Variants in ELFN1 observed in about 807,000 individuals in gnomAD.
ELFN1 encodes the protein extracellular leucine rich repeat and fibronectin type III domain containing 1.
In ELFN1, 6 loss-of-function variants were observed where a neutral mutation model predicts 7.6. That is an observed-to-expected ratio of 0.79 (90% CI 0.43 to 1.56). ELFN1 has a LOEUF of 1.56. Among genes scored for constraint, ELFN1 ranks in the 40% most tolerant of loss-of-function variants. The pLI, the probability that ELFN1 is intolerant of heterozygous loss-of-function variation, is 0.01. For missense variants in ELFN1, 1,169 were observed against 1,232.2 expected (o/e 0.95, Z 0.77); for synonymous variants, 657 against 588.1 (o/e 1.12, Z -1.70).
At chr7:1,719,268 G>GCCACCAACAGGGCCCCGC (rs1554252715) in intron 3 of ELFN1, among the ~76,000 whole-genome samples, 3,024 of 50,290 alleles carry the variant, frequency 0.06, 525 homozygotes, top group African/African-American at 0.19. Context: ...CAGGACCCAA[G>GCCACCAACAGGGCCCCGC]CCACCAACAG....
intron 1 of ELFN1, 26 bp from the exon 2 acceptor site, chr7:1,688,032 T>TTTTA (rs1491284296): frequency 1.2e-5 from 1 of 82,322 alleles, no homozygotes; most frequent in African/African-American, 8.0e-5. Flanking sequence ...GCCTGGCTAA[T>TTTTA]TTTTTTTTTT....
chr7:1,726,815 C>A (rs975371822), intron 3 of ELFN1, among the ~76,000 whole-genome samples: 1 of 152,214 alleles, frequency 6.6e-6, no homozygotes, highest in Non-Finnish European at 1.5e-5. Flanking sequence ...GCTGGGATGC[C>A]TCCTCCACCA....
chr7:1,727,642 T>G (rs1780233525), intron 3 of ELFN1, among the ~76,000 whole-genome samples: 1 of 152,124 alleles, frequency 6.6e-6, no homozygotes, highest in Admixed American at 6.5e-5. Context: ...TAGTCTTTTT[T>G]TGGTCACCCA....
At chr7:1,721,616 G>A (rs529906341) in intron 3 of ELFN1, among the ~76,000 whole-genome samples, 48 of 152,304 alleles carry the variant, frequency 3.2e-4, no homozygotes, top group African/African-American at 1.1e-3. Context: ...GCAGGGCATC[G>A]AGTTACGCAC....
intron 1 of ELFN1, among the ~76,000 whole-genome samples, chr7:1,677,385 G>A (rs534897201): frequency 5.9e-5 from 9 of 152,322 alleles, no homozygotes; most frequent in South Asian, 2.1e-4. Flanking sequence ...TCCAGGAGAC[G>A]GGATTCTCAG....
chr7:1,708,695 A>G (rs931383647), intron 2 of ELFN1, among the ~76,000 whole-genome samples: 4 of 151,918 alleles, frequency 2.6e-5, no homozygotes, highest in African/African-American at 9.7e-5. Context: ...CCACGGACCC[A>G]ACAGCCCCAG....
chr7:1,705,547 C>T lies in ELFN1; in HGVS notation c.-455-3544C>T, dbSNP rs925959848. On this transcript the variant is annotated intron_variant, in intron 2 of 3. Transcript: ENST00000424383. This position sits in a 1 kb window ranked among gnomAD's most constrained non-coding sequence, Gnocchi z 4.3. ...GCTGGGCCCCCCTTCCGACGGCACA[C>T]AGTGGGCACCTCAGATGGCAGGCCT... 1.1e-4 allele frequency among the ~76,000 whole-genome samples: 16 copies of T among 152,340 alleles called. No homozygotes were observed. The highest frequency in any genetic ancestry group is 3.6e-4 in the African/African-American group (15 of 41,582).
chr7:1,696,004 C>T (rs1779299372), intron 2 of ELFN1, among the ~76,000 whole-genome samples: 1 of 152,152 alleles, frequency 6.6e-6, no homozygotes. Flanking sequence ...CCCCGGCTCT[C>T]ATAACAAAAG....
chr7:1,690,738 TTGA>T (rs913742084), intron 2 of ELFN1, among the ~76,000 whole-genome samples: 3 of 148,032 alleles, frequency 2.0e-5, no homozygotes, highest in Admixed American at 2.0e-4. Flanking sequence ...GGTGTGTGAA[TTGA>T]TGAATGGATA....
chr7:1,666,830 C>T (rs1778678348), upstream of ELFN1, among the ~76,000 whole-genome samples: 1 of 151,882 alleles, frequency 6.6e-6, no homozygotes, highest in Non-Finnish European at 1.5e-5. The surrounding 1 kb of genome is among the most constrained non-coding windows in gnomAD (Gnocchi z 7.9). Context: ...GCCGCTTGAA[C>T]CTCCGGAGGG....
intron 1 of ELFN1, among the ~76,000 whole-genome samples, chr7:1,686,530 C>T (rs1412576696): frequency 6.6e-6 from 1 of 151,932 alleles, no homozygotes; most frequent in African/African-American, 2.4e-5. Context: ...TCCTAGATTA[C>T]CTCTGTGTTT....
At chr7:1,679,332 G>A (rs571935847) in intron 1 of ELFN1, among the ~76,000 whole-genome samples, 14 of 152,244 alleles carry the variant, frequency 9.2e-5, no homozygotes, top group East Asian at 7.7e-4. Context: ...GCATTATCAC[G>A]GCTGCACATC....
chr7:1,739,438 C>T lies in ELFN1; in HGVS notation c.-293-4866C>T. On this transcript the variant is annotated intron_variant, in intron 3 of 3. Transcript: ENST00000424383. The surrounding 1 kb of genome is among the most constrained non-coding windows in gnomAD (Gnocchi z 4.6). ...TGGCGGATGGTGAGGCAGGGAGATG[C>T]CAGCGGGGACGGGAACTTGGAGCAG... The T allele has an allele frequency of 6.5e-6, 1 of 152,708 alleles. No individual in the cohort carries two copies. Among genetic ancestry groups the T allele is most frequent in the Non-Finnish European group, 1.5e-5 (1 of 68,382 alleles). The allele number at this position is 152,708 out of a possible 1,614,324, so 9.5% of individuals were successfully genotyped here. A position where few individuals can be genotyped will look rare whatever the true frequency, so the allele number is the denominator to read the frequency against.
rs576183739 is a variant in ELFN1 at position 1,704,822 on chromosome 7, G to T, written c.-455-4269G>T. Among the ~76,000 whole-genome samples, 11 of 152,222 alleles carry T rather than the reference G, an allele frequency of 7.2e-5. No homozygotes were observed. In the East Asian group the frequency reaches 2.1e-3, roughly 30 times the overall value. On this transcript the variant is annotated intron_variant, in intron 2 of 3. Coordinates refer to ENST00000424383, the MANE Select transcript of ELFN1 (RefSeq NM_001128636.4). ...CTGAGGGCCTGCCTGCTGTATGCTG[G>T]GGTGTGGGCTGGGCAGGCCCCACAC... is the stretch of plus-strand genomic sequence containing the variant.
intron 2 of ELFN1, among the ~76,000 whole-genome samples, chr7:1,701,395 C>T (rs757668422): frequency 1.3e-5 from 2 of 152,122 alleles, no homozygotes; most frequent in Non-Finnish European, 2.9e-5. Flanking sequence ...TCTTTTGTTG[C>T]CCAGGCTAGC....
At position 1,716,741 on chromosome 7, in the gene ELFN1, C is replaced by T. The variant is rs988107323; in HGVS notation, c.-294+7489C>T. Among the ~76,000 whole-genome samples the T allele has an allele frequency of 5.3e-5, 8 of 152,284 alleles. No homozygotes were observed. The East Asian group carries it at 9.7e-4, about 18-fold the overall frequency. On this transcript the variant is annotated intron_variant, in intron 3 of 3. Coordinates refer to ENST00000424383, the MANE Select transcript of ELFN1 (RefSeq NM_001128636.4). ...GCAGCCGCACTCCCCCAGCCTCACC[C>T]GGGAAACTGTGATTCCAGCAGCTAA...
Position 1,695,345 on chromosome 7 carries a change from C to T in ELFN1, c.-456+7195C>T, listed in dbSNP as rs913206567. 2.6e-5 allele frequency among the ~76,000 whole-genome samples: 4 copies of T among 152,156 alleles called. No homozygotes were observed. Among genetic ancestry groups the T allele is most frequent in the Non-Finnish European group, 2.9e-5 (2 of 68,022 alleles). On this transcript the variant is annotated intron_variant, in intron 2 of 3. Coordinates refer to ENST00000424383, the MANE Select transcript of ELFN1 (RefSeq NM_001128636.4). The surrounding 1 kb of genome is among the most constrained non-coding windows in gnomAD (Gnocchi z 5.1). The stretch of plus-strand genomic sequence containing the variant: ...CAGCTCAGGGCTCAGGTGTCCGCGT[C>T]GAGGGCACTCCCTAAAGGGCAGGAG...
intron 1 of ELFN1, among the ~76,000 whole-genome samples, chr7:1,678,905 C>T (rs929046651): frequency 1.8e-4 from 28 of 152,184 alleles, no homozygotes; most frequent in Non-Finnish European, 8.8e-5. Flanking sequence ...ATTTGGAGCA[C>T]GGGTGATGCC....
intron 1 of ELFN1, among the ~76,000 whole-genome samples, chr7:1,678,715 G>A (rs1778919109): frequency 6.6e-6 from 1 of 152,220 alleles, no homozygotes; most frequent in Admixed American, 6.5e-5. Context: ...GGTCGTGGGT[G>A]TGGACCCTGA....
Sources: allele counts gnomAD v4.1 joint callset (sites outside exome capture counted in the v4.1 genomes callset), GRCh38; gene constraint gnomAD v4.1.1; non-coding constraint Gnocchi (gnomAD v3.1); transcripts MANE v1.5; gene names NCBI Gene and HGNC (gene_info 2026-07-23, HGNC 2026-07-21).